LDLRAD4: variants seen among roughly 807,000 people sequenced by gnomAD.
The protein encoded by LDLRAD4 is low-density lipoprotein receptor class A domain-containing protein 4.
Under a neutral mutation model 17.0 loss-of-function variants are expected in LDLRAD4, and 5 were observed. That is an observed-to-expected ratio of 0.29 (90% CI 0.15 to 0.62). The LOEUF is 0.62. Among genes scored for constraint, LDLRAD4 ranks in the 20% least tolerant of loss-of-function variants. The probability of loss-of-function intolerance (pLI) is 0.84; values close to 1 mark genes in which losing one functional copy is unlikely to be tolerated. For missense variants in LDLRAD4, 340 were observed against 424.7 expected (o/e 0.80, Z 1.75); for synonymous variants, 168 against 171.8 (o/e 0.98, Z 0.17).
At chr18:13,620,043 A>T (rs919641450) in intron 3 of LDLRAD4, among the ~76,000 whole-genome samples, 3 of 151,654 alleles carry the variant, frequency 2.0e-5, no homozygotes, top group Non-Finnish European at 2.9e-5. Context: ...GATCCAGAGA[A>T]CCCCTCGTCC....
intron 3 of LDLRAD4, among the ~76,000 whole-genome samples, chr18:13,508,090 A>T (rs911282023): frequency 2.0e-5 from 3 of 149,292 alleles, no homozygotes; most frequent in Non-Finnish European, 2.9e-5. Context: ...AGAAAGTTTA[A>T]GTGGTCTGGA....
chr18:13,358,284 A>G (rs1010912270), intron 1 of LDLRAD4, among the ~76,000 whole-genome samples: 4 of 151,722 alleles, frequency 2.6e-5, no homozygotes, highest in Admixed American at 2.0e-4. Context: ...CTATGCATCT[A>G]TTTATCTATC....
chr18:13,454,086 A>C (rs2091991600), intron 3 of LDLRAD4, among the ~76,000 whole-genome samples: 1 of 152,250 alleles, frequency 6.6e-6, no homozygotes, highest in African/African-American at 2.4e-5. Flanking sequence ...CAAAAGGGGC[A>C]TCCTGCCTCC....
intron 1 of LDLRAD4, among the ~76,000 whole-genome samples, chr18:13,346,823 A>T (rs1273244364): frequency 1.3e-5 from 2 of 152,160 alleles, no homozygotes; most frequent in Non-Finnish European, 2.9e-5. Context: ...TCCCTTTACC[A>T]TTATGTAATG....
At chr18:13,266,876 A>C (rs1026821953) in intron 1 of LDLRAD4, among the ~76,000 whole-genome samples, 13 of 152,266 alleles carry the variant, frequency 8.5e-5, no homozygotes, top group Non-Finnish European at 1.3e-4. Flanking sequence ...AATTCTGAGT[A>C]AGAGTAATAC....
exon 6 of LDLRAD4, chr18:13,648,939 A>G (rs2043125855): frequency 6.6e-6 from 1 of 152,220 alleles, no homozygotes; most frequent in Non-Finnish European, 1.5e-5. Context: ...GATTTCATGA[A>G]GCAAATTATG....
chr18:13,237,656 C>T (rs931757037), intron 1 of LDLRAD4, among the ~76,000 whole-genome samples: 2 of 152,214 alleles, frequency 1.3e-5, no homozygotes, highest in African/African-American at 2.4e-5. Context: ...GATCCATTCC[C>T]TCAGTGCATA....
chr18:13,452,893 A>C (rs931564238), intron 3 of LDLRAD4, among the ~76,000 whole-genome samples: 7 of 152,180 alleles, frequency 4.6e-5, no homozygotes, highest in African/African-American at 1.7e-4. Context: ...ACCCCCAGCG[A>C]GAACCTCCAG....
At chr18:13,407,314 T>C (rs1378903035) in intron 2 of LDLRAD4, among the ~76,000 whole-genome samples, 1 of 152,184 alleles carries the variant, frequency 6.6e-6, no homozygotes, top group Non-Finnish European at 1.5e-5. Context: ...TAGGAAAATG[T>C]AATTTTTTCT....
At chr18:13,403,178 C>G (rs1010387340) in intron 2 of LDLRAD4, among the ~76,000 whole-genome samples, 16 of 152,194 alleles carry the variant, frequency 1.1e-4, no homozygotes, top group African/African-American at 3.9e-4. Context: ...TGCCAGAATG[C>G]TAACAGGGAC....
chr18:13,261,998 GGGGC>G (rs2043846074), intron 1 of LDLRAD4, among the ~76,000 whole-genome samples: 1 of 150,878 alleles, frequency 6.6e-6, no homozygotes, highest in African/African-American at 2.5e-5. Context: ...TGAGTCCCGT[GGGGC>G]TCTGTGCGTG....
intron 3 of LDLRAD4, among the ~76,000 whole-genome samples, chr18:13,534,886 A>C (rs1022898176): frequency 6.6e-6 from 1 of 152,142 alleles, no homozygotes; most frequent in African/African-American, 2.4e-5. Flanking sequence ...CTGTCACTCT[A>C]CTTTTTTCTC....
At position 13,356,241 on chromosome 18, in the gene LDLRAD4, G is replaced by A. The variant is rs536955475; in HGVS notation, c.-382-31100G>A. ...GGCCACTGGGCATGACCTCTGTAGG[G>A]AGGAGGCTCCCATCCATCCAATGGG... is the stretch of plus-strand genomic sequence containing the variant. On this transcript the variant is annotated intron_variant, in intron 1 of 5. Transcript: ENST00000359446. 3.9e-5 allele frequency among the ~76,000 whole-genome samples: 6 copies of A among 152,368 alleles called. No individual in the cohort carries two copies. The South Asian group carries it at 1.2e-3, about 32-fold the overall frequency.
chr18:13,415,138 A>G lies in LDLRAD4; in HGVS notation c.41-23106A>G, dbSNP rs138226375. Among the ~76,000 whole-genome samples, 719 of 152,266 alleles carry G rather than the reference A, an allele frequency of 4.7e-3. 10 individuals are homozygous for G. Among genetic ancestry groups the G allele is most frequent in the African/African-American group, 0.017 (697 of 41,558 alleles). ...ACTCTGGGAGGCTGGTTGTGGGGGC[A>G]TCTGTTGCCTGGAGGTCTCTGGAAT... On this transcript the variant is annotated intron_variant, in intron 2 of 5. Coordinates refer to ENST00000359446, the Ensembl canonical transcript of LDLRAD4.
intron 3 of LDLRAD4, among the ~76,000 whole-genome samples, chr18:13,605,934 G>A (rs2095218579): frequency 6.6e-6 from 1 of 152,134 alleles, no homozygotes; most frequent in Admixed American, 6.5e-5. Flanking sequence ...TTAACATGCA[G>A]GCTCCAGTTC....
intron 3 of LDLRAD4, among the ~76,000 whole-genome samples, chr18:13,533,990 A>C (rs2094166560): frequency 6.6e-6 from 1 of 152,134 alleles, no homozygotes; most frequent in Non-Finnish European, 1.5e-5. Flanking sequence ...CCTTCCCATT[A>C]AGCCCCCAGG....
chr18:13,265,032 C>A (rs1237435065), intron 1 of LDLRAD4, among the ~76,000 whole-genome samples: 1 of 152,116 alleles, frequency 6.6e-6, no homozygotes, highest in Non-Finnish European at 1.5e-5. Flanking sequence ...CTGTTCTGAC[C>A]CCCTCCTGGC....
In LDLRAD4 at chr18:13,243,573, C is replaced by G. The variant is rs143350375; in HGVS notation, c.-467+24585C>G. 6.1e-3 allele frequency among the ~76,000 whole-genome samples: 917 copies of G among 150,876 alleles called. 12 individuals are homozygous for G. Among genetic ancestry groups the G allele is most frequent in the African/African-American group, 0.021 (868 of 41,026 alleles). On this transcript the variant is annotated intron_variant, in intron 1 of 5. Transcript: ENST00000399848. ...TCTGTCCATCCATCCATGCACCTAC[C>G]CACCCATTCCTCTATCCATCCACCC...
intron 3 of LDLRAD4, among the ~76,000 whole-genome samples, chr18:13,578,023 C>A (rs1020041542): frequency 6.6e-6 from 1 of 152,176 alleles, no homozygotes; most frequent in Non-Finnish European, 1.5e-5. Flanking sequence ...GAGGTCAGTG[C>A]CTCCTACTTC....
Sources: allele counts gnomAD v4.1 joint callset (sites outside exome capture counted in the v4.1 genomes callset), GRCh38; gene constraint gnomAD v4.1.1; transcripts MANE v1.5; gene names NCBI Gene and HGNC (gene_info 2026-07-23, HGNC 2026-07-21).